The following GRM7 variants were observed in gnomAD, a reference collection of about 807,000 sequenced individuals.
The protein encoded by GRM7 is glutamate metabotropic receptor 7, also known as metabotropic glutamate receptor 7.
A neutral mutation model predicts 84.5 loss-of-function variants in GRM7; 35 were observed. The ratio of observed to expected loss-of-function variants is 0.41; its 90% CI spans 0.32 to 0.55. GRM7 has a LOEUF of 0.55. GRM7 is among the 20% of genes least tolerant of loss of function. The pLI, the probability that GRM7 is intolerant of heterozygous loss-of-function variation, is 0.19. For synonymous variants in GRM7, 487 were observed against 455.1 expected (o/e 1.07, Z -0.89); for missense variants, 1,003 against 1,194.6 (o/e 0.84, Z 2.36).
chr3:7,635,641 C>T (rs992465120), intron 8 of GRM7, among the ~76,000 whole-genome samples: 1 of 152,144 alleles, frequency 6.6e-6, no homozygotes, highest in African/African-American at 2.4e-5. Context: ...GAACACTTCT[C>T]TGAGCCAAAG....
At chr3:7,134,158 G>A (rs17046848) in intron 1 of GRM7, among the ~76,000 whole-genome samples, 1,798 of 152,192 alleles carry the variant, frequency 0.012, 41 homozygotes, top group African/African-American at 0.042. Flanking sequence ...TCTTGGGATC[G>A]TAAGATTAGC....
chr3:7,101,665 ATATT>A (rs1699111612), intron 1 of GRM7, among the ~76,000 whole-genome samples: 1 of 150,772 alleles, frequency 6.6e-6, no homozygotes, highest in Non-Finnish European at 1.5e-5. Flanking sequence ...GATCATTTAA[ATATT>A]TATTCAACTG....
At chr3:7,044,536 A>G (rs1428865059) in intron 1 of GRM7, among the ~76,000 whole-genome samples, 3 of 152,168 alleles carry the variant, frequency 2.0e-5, no homozygotes, top group South Asian at 2.1e-4. Context: ...TACTTATTAG[A>G]TGGTTCTTTC....
At chr3:7,270,303 C>T (rs1020449766) in intron 2 of GRM7, among the ~76,000 whole-genome samples, 7 of 152,208 alleles carry the variant, frequency 4.6e-5, no homozygotes, top group African/African-American at 1.7e-4. Flanking sequence ...TGATAACTGA[C>T]TAGTGCTCCA....
intron 5 of GRM7, among the ~76,000 whole-genome samples, chr3:7,430,116 CT>C (rs1696767595): frequency 6.6e-6 from 1 of 152,106 alleles, no homozygotes; most frequent in Non-Finnish European, 1.5e-5. Context: ...GAGACCTTAT[CT>C]CAAATAAATA....
At chr3:7,278,396 CAT>C (rs1252869917) in intron 2 of GRM7, among the ~76,000 whole-genome samples, 1 of 152,026 alleles carries the variant, frequency 6.6e-6, no homozygotes, top group Non-Finnish European at 1.5e-5. Flanking sequence ...TGAAAGAAAA[CAT>C]GTTATTAAAT....
At chr3:7,343,634 G>A (rs570330574) in intron 4 of GRM7, among the ~76,000 whole-genome samples, 1 of 152,266 alleles carries the variant, frequency 6.6e-6, no homozygotes, top group Non-Finnish European at 1.5e-5. Context: ...TTGTCATAGT[G>A]AAGAAAGACT....
intron 2 of GRM7, among the ~76,000 whole-genome samples, chr3:7,295,502 T>C (rs1161526594): frequency 1.3e-5 from 2 of 151,146 alleles, no homozygotes; most frequent in Non-Finnish European, 3.0e-5. Flanking sequence ...AAGTTAGATG[T>C]TGAGGTCTAC....
chr3:6,920,924 A>G (rs551875457), intron 1 of GRM7, among the ~76,000 whole-genome samples: 1 of 152,332 alleles, frequency 6.6e-6, no homozygotes, highest in Non-Finnish European at 1.5e-5. Context: ...GCCAATAGGA[A>G]GATCATGATC....
chr3:7,483,266 T>C (rs1699201474), intron 7 of GRM7, among the ~76,000 whole-genome samples: 1 of 152,186 alleles, frequency 6.6e-6, no homozygotes, highest in Non-Finnish European at 1.5e-5. Context: ...CCATAGGTGC[T>C]GTGAGGAAAA....
At chr3:7,372,639 T>A (rs1480671467) in intron 4 of GRM7, among the ~76,000 whole-genome samples, 1 of 152,126 alleles carries the variant, frequency 6.6e-6, no homozygotes, top group Non-Finnish European at 1.5e-5. Flanking sequence ...TCCCTAAAAG[T>A]AGCAGGTGTT....
chr3:7,730,285 C>T (rs554506939), intron 9 of GRM7, among the ~76,000 whole-genome samples: 6 of 152,154 alleles, frequency 3.9e-5, no homozygotes, highest in East Asian at 1.9e-4. Flanking sequence ...GGATTACAAG[C>T]GTGAGCCACT....
In GRM7 at chr3:7,099,509, CATAT is replaced by C. The variant is rs202106145; in HGVS notation, c.520-46940_520-46937del. 2.8e-3 allele frequency among the ~76,000 whole-genome samples: 418 copies of C among 147,394 alleles called. 5 individuals carry two copies. The highest frequency in any genetic ancestry group is 1.0e-2 in the African/African-American group (399 of 40,006). ...TATGTACACGCATTATACATGTACA[CATAT>C]ATGTATATGTACACGCATTATACAT... On this transcript the variant is annotated intron_variant, in intron 1 of 9. Transcript: ENST00000357716.
At chr3:7,671,576 T>C (rs936969424) in intron 8 of GRM7, among the ~76,000 whole-genome samples, 1 of 150,514 alleles carries the variant, frequency 6.6e-6, no homozygotes, top group Non-Finnish European at 1.5e-5. Flanking sequence ...CAAAACACAG[T>C]GAAACTAGGT....
At chr3:7,734,015 A>G (rs189929222) in intron 9 of GRM7, among the ~76,000 whole-genome samples, 5 of 152,310 alleles carry the variant, frequency 3.3e-5, no homozygotes, top group Admixed American at 2.0e-4. Context: ...TTTTTGCATT[A>G]TAAGTTCTAT....
chr3:7,206,088 AGC>A (rs201497036), intron 2 of GRM7, among the ~76,000 whole-genome samples: 1 of 152,114 alleles, frequency 6.6e-6, no homozygotes, highest in Non-Finnish European at 1.5e-5. Flanking sequence ...TGTTGTGGTA[AGC>A]GGGGATGAAA....
chr3:7,379,154 C>A (rs1694481179), intron 4 of GRM7, among the ~76,000 whole-genome samples: 1 of 152,092 alleles, frequency 6.6e-6, no homozygotes, highest in Non-Finnish European at 1.5e-5. Context: ...CTCACTGCAA[C>A]CTCTGCCTCT....
chr3:7,200,711 C>G (rs1034071157), intron 2 of GRM7, among the ~76,000 whole-genome samples: 34 of 152,180 alleles, frequency 2.2e-4, no homozygotes, highest in Admixed American at 3.3e-4. Context: ...AATGACGCTA[C>G]TAGTTCAGAG....
At chr3:6,941,440 A>G (rs762478253) in intron 1 of GRM7, among the ~76,000 whole-genome samples, 26 of 152,212 alleles carry the variant, frequency 1.7e-4, no homozygotes, top group Non-Finnish European at 2.9e-4. Context: ...CAAACTTTGG[A>G]TGAAAAAGTC....
Sources: allele counts gnomAD v4.1 joint callset (sites outside exome capture counted in the v4.1 genomes callset), GRCh38; gene constraint gnomAD v4.1.1; transcripts MANE v1.5; gene names NCBI Gene and HGNC (gene_info 2026-07-23, HGNC 2026-07-21).